The following ZSWIM8 variants were observed in gnomAD, a reference collection of about 807,000 sequenced individuals.
The protein encoded by ZSWIM8 is zinc finger SWIM domain-containing protein 8.
In ZSWIM8, 27 loss-of-function variants were observed where a neutral mutation model predicts 173.7. The observed-to-expected ratio is 0.16, with a 90% confidence interval of 0.11 to 0.21. The LOEUF is 0.21. Among genes scored for constraint, ZSWIM8 ranks in the 10% least tolerant of loss-of-function variants. The pLI is 1.00. For synonymous variants in ZSWIM8, 958 were observed against 962.0 expected (o/e 1.00, Z 0.08); for missense variants, 1,627 against 2,428.8 (o/e 0.67, Z 6.94).
chr10:73,799,337 T>C lies in ZSWIM8; in HGVS notation c.4512T>C (p.His1504=). 1.2e-6 allele frequency: 2 copies of C among 1,610,574 alleles called. No homozygotes were observed. Among genetic ancestry groups the C allele is most frequent in the Non-Finnish European group, 1.7e-6 (2 of 1,178,570 alleles). The stretch of plus-strand genomic sequence containing the variant: ...TATACCCGGGTCCAGGACTGGGGCA[T>C]GGCCACTCCCCTGGCCTGCACCCCT... ...SSLYPGPGLG[H]GHSPGLHPYT... Residue 1504 remains histidine (H), a synonymous_variant, in exon 21 of 26, where the codon CAT becomes CAC. Coordinates refer to ENST00000604729, the MANE Select transcript of ZSWIM8 (RefSeq NM_001367799.1).
At position 73,794,599 on chromosome 10, in the gene ZSWIM8, G is replaced by T. The variant is rs1272897688; in HGVS notation, c.2868G>T (p.Gly956=). 1 of 1,557,476 alleles carries T rather than the reference G, an allele frequency of 6.4e-7. No individual in the cohort carries two copies. The change falls in exon 14 of 26, where the codon GGG becomes GGT. Residue 956 remains glycine, a synonymous_variant. Coordinates refer to ENST00000604729, the MANE Select transcript of ZSWIM8 (RefSeq NM_001367799.1). ...GCAACTGGAACAGCGAGACACCTGGGGATGAGGAGCTTGGATTTGAAGCAG... is the reference window on the plus strand; with the variant it reads ...GCAACTGGAACAGCGAGACACCTGGTGATGAGGAGCTTGGATTTGAAGCAG... The part of the protein sequence containing the change: ...PSRNWNSETP[G]DEELGFEAAV...
intron 21 of ZSWIM8, 72 bp downstream of exon 21, chr10:73,799,562 A>C: frequency 6.4e-7 from 1 of 1,551,512 alleles, no homozygotes. Flanking sequence ...TGGAGTGGGT[A>C]CTCTGGGAGT....
intron 14 of ZSWIM8, chr10:73,795,062 C>A (rs568941091): frequency 1.5e-4 from 27 of 177,810 alleles, no homozygotes; most frequent in Admixed American, 6.3e-4. Context: ...TGTGATTGCA[C>A]CACTGCCCTC....
In ZSWIM8 at chr10:73,797,832, A is replaced by T; in HGVS notation, c.3714A>T (p.Pro1238=). 6.2e-7 allele frequency: 1 copy of T among 1,613,112 alleles called. No individual in the cohort carries two copies. Among genetic ancestry groups the T allele is most frequent in the South Asian group, 1.1e-5 (1 of 91,014 alleles). ...ESHAPHVPNQ[P]SEAAAHFYFE... The stretch of plus-strand genomic sequence containing the variant: ...ATGCCCCTCATGTACCCAATCAGCC[A>T]TCAGAGGCAGCTGCACACTTCTACT... The change falls in exon 19 of 26, where the codon CCA becomes CCT. Residue 1238 remains proline, a synonymous_variant. Transcript: ENST00000604729. This position sits in a 1 kb window ranked among gnomAD's most constrained non-coding sequence, Gnocchi z 5.6.
chr10:73,800,681 G>A lies in ZSWIM8; in HGVS notation c.5044G>A (p.Asp1682Asn). The stretch of plus-strand genomic sequence containing the variant: ...GATGCTGGGTCGCCGGGCACACAAC[G>A]ATCACCCCAACAACTTCTCCCGCTC... ...LEMLGRRAHN[D>N]HPNNFSRSPP... The change falls in exon 24 of 26, where the codon GAT (aspartate) becomes AAT (asparagine). Residue 1682 changes from aspartate (D) to asparagine (N), a missense_variant. This residue lies in a region of ZSWIM8 where 30 missense variants were observed against 20.9 expected (regional missense o/e 1.44). Coordinates refer to ENST00000604729, the MANE Select transcript of ZSWIM8 (RefSeq NM_001367799.1). This position sits in a 1 kb window ranked among gnomAD's most constrained non-coding sequence, Gnocchi z 4.1. The A allele has an allele frequency of 6.2e-7, 1 of 1,613,678 alleles. No homozygotes were observed. The highest frequency in any genetic ancestry group is 8.5e-7 in the Non-Finnish European group (1 of 1,179,774).
intron 21 of ZSWIM8, 107 bp downstream of exon 21, chr10:73,799,597 G>C (rs1183602098): frequency 6.8e-7 from 1 of 1,468,008 alleles, no homozygotes; most frequent in Admixed American, 2.0e-5. Context: ...GGAGAGTCCT[G>C]GTGAGGTGGT....
chr10:73,799,510 G>A lies in ZSWIM8; in HGVS notation c.4665+20G>A, dbSNP rs773115708. 3 of 1,589,812 alleles carry A rather than the reference G, an allele frequency of 1.9e-6. No individual in the cohort carries two copies. The African/African-American group carries it at 4.0e-5, about 21-fold the overall frequency. On this transcript the variant is annotated intron_variant, in intron 21 of 25. Coordinates refer to ENST00000604729, the MANE Select transcript of ZSWIM8 (RefSeq NM_001367799.1). The stretch of plus-strand genomic sequence containing the variant: ...CCACAGGTGAGACCAGTGTTCTGCT[G>A]GGGGGTAAGGCATGGGAAAATACTG...
At chr10:73,799,656 C>A in intron 21 of ZSWIM8, 166 bp downstream of exon 21, 2 of 937,246 alleles carry the variant, frequency 2.1e-6, no homozygotes, top group South Asian at 1.6e-5. Context: ...GACGGCCGGG[C>A]ATGGTGGCTC....
intron 15 of ZSWIM8, 41 bp from the exon 16 acceptor site, chr10:73,796,733 C>T (rs779837255): frequency 6.9e-6 from 11 of 1,604,692 alleles, no homozygotes; most frequent in Admixed American, 5.0e-5. Context: ...AAAGGGCATC[C>T]TGTCACTGCT....
rs2083416811 is a variant in ZSWIM8 at position 73,791,639 on chromosome 10, G to A, written c.1319+140G>A. On this transcript the variant is annotated intron_variant, in intron 9 of 25. Coordinates refer to ENST00000604729, the MANE Select transcript of ZSWIM8 (RefSeq NM_001367799.1). This position sits in a 1 kb window ranked among gnomAD's most constrained non-coding sequence, Gnocchi z 6.0. ...GAGGTGCTGAGCACTGGTGTTAGCAGTGATTTACGAGTCCTTTTTCTGAGA... is the reference window on the plus strand; with the variant it reads ...GAGGTGCTGAGCACTGGTGTTAGCAATGATTTACGAGTCCTTTTTCTGAGA... 1 of 1,172,942 alleles carries A rather than the reference G, an allele frequency of 8.5e-7. No individual in the cohort carries two copies. The highest frequency in any genetic ancestry group is 1.7e-5 in the South Asian group (1 of 59,148). 72.7% of individuals were successfully genotyped at this position (1,172,942 alleles called of 1,614,324 possible). A position where few individuals can be genotyped will look rare whatever the true frequency, so the allele number is the denominator to read the frequency against.
In ZSWIM8 at chr10:73,791,903, T is replaced by C; in HGVS notation, c.1364T>C (p.Val455Ala). Residue 455 changes from valine (V) to alanine (A), a missense_variant, in exon 10 of 26, where the codon GTG (valine) becomes GCG (alanine). By Grantham distance (64) the Val-to-Ala change is moderately conservative. Around this residue, in one of 18 missense-constraint regions of ZSWIM8, gnomAD observed 103 missense variants for 155.6 expected, o/e 0.66. Transcript: ENST00000604729. This position sits in a 1 kb window ranked among gnomAD's most constrained non-coding sequence, Gnocchi z 6.0. ...CTQLRQWQLK[V>A]IENVKRGQHK... ...CAGCTGCGGCAGTGGCAACTGAAGGTGATTGAGAACGTCAAGCGGGGCCAA... is the reference window on the plus strand; with the variant it reads ...CAGCTGCGGCAGTGGCAACTGAAGGCGATTGAGAACGTCAAGCGGGGCCAA... 1 of 1,546,298 alleles carries C rather than the reference T, an allele frequency of 6.5e-7. No homozygotes were observed.
chr10:73,799,970 A>T, intron 21 of ZSWIM8, 41 bp from the exon 22 acceptor site: 2 of 1,598,886 alleles, frequency 1.3e-6, no homozygotes, highest in African/African-American at 1.3e-5. Context: ...CAACATCCTA[A>T]TCAAGTTTGG....
Position 73,801,426 on chromosome 10 carries a change from G to C in ZSWIM8, c.5412G>C (p.Gln1804His). 6.2e-7 allele frequency: 1 copy of C among 1,614,008 alleles called. No individual in the cohort carries two copies. Among genetic ancestry groups the C allele is most frequent in the Non-Finnish European group, 8.5e-7 (1 of 1,179,876 alleles). The change falls in exon 26 of 26, where the codon CAG becomes CAC. Residue 1804 changes from glutamine to histidine, a missense_variant. Gln to His is a conservative substitution (Grantham distance 24). Around this residue, in one of 18 missense-constraint regions of ZSWIM8, gnomAD observed 122 missense variants for 196.1 expected, o/e 0.62. Coordinates refer to ENST00000604729, the MANE Select transcript of ZSWIM8 (RefSeq NM_001367799.1). The surrounding 1 kb of genome is among the most constrained non-coding windows in gnomAD (Gnocchi z 4.9). ...GCCTGACGCCCATGGGCATGATGCA[G>C]TTCAACGACATCCTACAGAACCTCA... ...AFCLTPMGMM[Q>H]FNDILQNLKR...
intron 1 of ZSWIM8, chr10:73,786,326 GGGT>G: frequency 2.1e-6 from 1 of 465,598 alleles, no homozygotes; most frequent in Non-Finnish European, 3.7e-6. Context: ...GTGTGTGTGT[GGGT>G]GTGTGTGTGT....
At position 73,792,282 on chromosome 10, in the gene ZSWIM8, T is replaced by A; in HGVS notation, c.1743T>A (p.Gly581=). 6.2e-7 allele frequency: 1 copy of A among 1,608,016 alleles called. No individual in the cohort carries two copies. The highest frequency in any genetic ancestry group is 2.2e-5 in the East Asian group (1 of 44,796). The stretch of plus-strand genomic sequence containing the variant: ...AAGCTCTACATAAGATGGGTCCAGG[T>A]GGGGGCAAAGCCAAGGCACTGGGTG... ...GDKALHKMGP[G]GGKAKALGGA... Residue 581 remains glycine (G), a synonymous_variant, in exon 10 of 26, where the codon GGT becomes GGA. Coordinates refer to ENST00000604729, the MANE Select transcript of ZSWIM8 (RefSeq NM_001367799.1). This position sits in a 1 kb window ranked among gnomAD's most constrained non-coding sequence, Gnocchi z 4.3.
chr10:73,793,947 T>C lies in ZSWIM8; in HGVS notation c.2528T>C (p.Val843Ala). The C allele has an allele frequency of 6.2e-7, 1 of 1,613,570 alleles. No individual in the cohort carries two copies. Among genetic ancestry groups the C allele is most frequent in the Non-Finnish European group, 8.5e-7 (1 of 1,179,690 alleles). ...TLSKAAFLLTVLSERPEHHNL... is the reference protein window; with the variant it reads ...TLSKAAFLLTALSERPEHHNL... ...AGCAAGGCGGCCTTCCTGTTGACAG[T>C]GCTAAGTGAGCGTCCAGAGCACCAC... The change falls in exon 12 of 26, where the codon GTG becomes GCG. Residue 843 changes from valine to alanine, a missense_variant. Physicochemically the swap from Val to Ala is moderately conservative, Grantham distance 64 (BLOSUM62 0). This residue lies in a region of ZSWIM8 where 169 missense variants were observed against 235.3 expected (regional missense o/e 0.72). Transcript: ENST00000604729.
chr10:73,794,052 G>C lies in ZSWIM8; in HGVS notation c.2625+8G>C. ...TCTACCAAGGCCTTGGAGGTCAGAG[G>C]CTCCATCTCAGCCTTGTATTTCAGT... is the stretch of plus-strand genomic sequence containing the variant. On this transcript the variant is annotated splice_region_variant and intron_variant, in intron 12 of 25. Coordinates refer to ENST00000604729, the MANE Select transcript of ZSWIM8 (RefSeq NM_001367799.1). 1 of 1,612,284 alleles carries C rather than the reference G, an allele frequency of 6.2e-7. No individual in the cohort carries two copies. Among genetic ancestry groups the C allele is most frequent in the Non-Finnish European group, 8.5e-7 (1 of 1,179,110 alleles).
Position 73,801,701 on chromosome 10 carries a change from G to A in ZSWIM8, c.*182G>A. The A allele has an allele frequency of 6.5e-7, 1 of 1,533,372 alleles. No individual in the cohort carries two copies. 95.0% of individuals were successfully genotyped at this position (1,533,372 alleles called of 1,614,324 possible). ...ATGTCTCACACCCTAGAAGCCTAGG[G>A]CTGGGGGAGACAGCCCTGTCTGGGA... is the stretch of plus-strand genomic sequence containing the variant. On this transcript the variant is annotated 3_prime_UTR_variant, in exon 26 of 26. Transcript: ENST00000604729. This position sits in a 1 kb window ranked among gnomAD's most constrained non-coding sequence, Gnocchi z 4.9.
Position 73,800,947 on chromosome 10 carries a change from A to G in ZSWIM8, c.5123-70A>G. The G allele has an allele frequency of 6.9e-7, 1 of 1,441,976 alleles. No homozygotes were observed. The highest frequency in any genetic ancestry group is 9.4e-7 in the Non-Finnish European group (1 of 1,064,116). 89.3% of individuals were successfully genotyped at this position (1,441,976 alleles called of 1,614,324 possible). ...GAGGCTCTCTGCCAGGCCAGAGCTG[A>G]GATCTGTAAGTTGGGTCCCTAGGGC... On this transcript the variant is annotated intron_variant, in intron 24 of 25. Coordinates refer to ENST00000604729, the MANE Select transcript of ZSWIM8 (RefSeq NM_001367799.1). This position sits in a 1 kb window ranked among gnomAD's most constrained non-coding sequence, Gnocchi z 4.1.
Sources: allele counts gnomAD v4.1 joint callset, GRCh38; gene constraint gnomAD v4.1.1; regional missense constraint gnomAD v4.1.1; non-coding constraint Gnocchi (gnomAD v3.1); transcripts MANE v1.5; gene names NCBI Gene and HGNC (gene_info 2026-07-23, HGNC 2026-07-21).